Variants in GABRG1 observed in about 807,000 individuals in gnomAD.
GABRG1 encodes the protein gamma-aminobutyric acid receptor subunit gamma-1.
In GABRG1, 49 loss-of-function variants were observed where a neutral mutation model predicts 49.8. That is an observed-to-expected ratio of 0.98 (90% CI 0.78 to 1.25). The LOEUF (loss-of-function observed/expected upper bound fraction) is 1.25. Among genes scored for constraint, GABRG1 ranks in the 50% most tolerant of loss-of-function variants. The pLI, the probability that GABRG1 is intolerant of heterozygous loss-of-function variation, is 0.00. For synonymous variants in GABRG1, 232 were observed against 185.1 expected (o/e 1.25, Z -2.06); for missense variants, 552 against 552.3 (o/e 1.00, Z 0.01).
chr4:46,074,006 T>A (rs1173696829), intron 3 of GABRG1, among the ~76,000 whole-genome samples: 1 of 152,130 alleles, frequency 6.6e-6, no homozygotes, highest in Non-Finnish European at 1.5e-5. Context: ...CCATTACAGT[T>A]TATTACCAAT....
In GABRG1 at chr4:46,053,162, A is replaced by G. The variant is rs182393106; in HGVS notation, c.917-1524T>C. 1.9e-3 allele frequency among the ~76,000 whole-genome samples: 294 copies of G among 151,920 alleles called. 3 individuals are homozygous for G. The highest frequency in any genetic ancestry group is 3.6e-3 in the Non-Finnish European group (241 of 67,854). On this transcript the variant is annotated intron_variant, in intron 7 of 8. Transcript: ENST00000295452. Reference sequence around the variant, plus strand: ...GTCTTTTTTTTAAATTTCCAAATATACAAGGCCATTGTCAGTTATATTATT... The same window carrying G: ...GTCTTTTTTTTAAATTTCCAAATATGCAAGGCCATTGTCAGTTATATTATT...
At chr4:46,097,539 G>A (rs1429290759) in intron 1 of GABRG1, among the ~76,000 whole-genome samples, 190 bp from the exon 2 acceptor site, 1 of 151,364 alleles carries the variant, frequency 6.6e-6, no homozygotes, top group Non-Finnish European at 1.5e-5. Flanking sequence ...CTCAAAAAAT[G>A]AGAATTCTGT....
intron 5 of GABRG1, among the ~76,000 whole-genome samples, chr4:46,059,968 T>C (rs1718610474): frequency 6.6e-6 from 1 of 152,164 alleles, no homozygotes; most frequent in Non-Finnish European, 1.5e-5. Flanking sequence ...TCTCTTTTTA[T>C]ATTAATGTTT....
chr4:46,110,976 G>A (rs746417112), intron 1 of GABRG1, among the ~76,000 whole-genome samples: 30 of 150,834 alleles, frequency 2.0e-4, no homozygotes, highest in Non-Finnish European at 3.3e-4. Context: ...CCTATTCAAC[G>A]TAAGACTAGA....
At chr4:46,097,397 C>G in intron 1 of GABRG1, 48 bp from the exon 2 acceptor site, 1 of 1,545,104 alleles carries the variant, frequency 6.5e-7, no homozygotes, top group Admixed American at 1.9e-5. Context: ...TCAATCAAAT[C>G]ATGTATAAAA....
intron 7 of GABRG1, among the ~76,000 whole-genome samples, chr4:46,056,164 A>AAAAAATAAATAAAT (rs1718435008): frequency 3.0e-5 from 1 of 33,380 alleles, no homozygotes; most frequent in African/African-American, 2.9e-4. Context: ...AAAAAAAAAA[A>AAAAAATAAATAAAT]AAAAAAAAAA....
At position 46,039,008 on chromosome 4, in the gene GABRG1, G is replaced by A. The variant is rs529153577; in HGVS notation, c.*1980C>T. 2 of 151,736 alleles carry A rather than the reference G, an allele frequency of 1.3e-5. No homozygotes were observed. The highest frequency in any genetic ancestry group is 4.1e-4 in the South Asian group (2 of 4,824). 9.4% of individuals were successfully genotyped at this position (151,736 alleles called of 1,614,324 possible). ...AATACAGTCATGCTCAGATACACTT[G>A]AAAGAGTCCCAAAATCAAAACTGTC... On this transcript the variant is annotated 3_prime_UTR_variant, in exon 9 of 9. Coordinates refer to ENST00000295452, the MANE Select transcript of GABRG1 (RefSeq NM_173536.4).
intron 5 of GABRG1, 49 bp downstream of exon 5, chr4:46,064,392 G>T (rs374712146): frequency 1.0e-6 from 1 of 971,410 alleles, no homozygotes; most frequent in Non-Finnish European, 1.5e-6. Context: ...TAAATAAACA[G>T]CTTCTAAGGT....
At chr4:46,090,814 C>T (rs1049351631) in intron 2 of GABRG1, among the ~76,000 whole-genome samples, 3 of 151,896 alleles carry the variant, frequency 2.0e-5, no homozygotes, top group Non-Finnish European at 2.9e-5. Context: ...TGCTGTTTGA[C>T]AGCACAGCAA....
At chr4:46,110,026 T>C (rs547094000) in intron 1 of GABRG1, among the ~76,000 whole-genome samples, 56 of 151,174 alleles carry the variant, frequency 3.7e-4, no homozygotes, top group Non-Finnish European at 5.9e-4. Context: ...TATCTGCTAG[T>C]TCCAATTGGT....
chr4:46,117,083 T>C (rs563281130), intron 1 of GABRG1, among the ~76,000 whole-genome samples: 168 of 150,718 alleles, frequency 1.1e-3, no homozygotes, highest in Middle Eastern at 3.4e-3. Flanking sequence ...ATTAACCTAG[T>C]GGCTAGAACC....
At chr4:46,107,679 C>A (rs1236094064) in intron 1 of GABRG1, among the ~76,000 whole-genome samples, 2 of 150,876 alleles carry the variant, frequency 1.3e-5, no homozygotes, top group Non-Finnish European at 3.0e-5. Context: ...TTGGAGATAT[C>A]AAAAATCCTA....
At chr4:46,120,556 C>T (rs1234015942) in intron 1 of GABRG1, among the ~76,000 whole-genome samples, 1 of 151,664 alleles carries the variant, frequency 6.6e-6, no homozygotes, top group East Asian at 1.9e-4. Flanking sequence ...ATTTAACTAT[C>T]ATGGAATATC....
Position 46,037,112 on chromosome 4 carries a change from T to A in GABRG1, c.*3876A>T, listed in dbSNP as rs1009993124. ...CAAAGTTATCCTCCCTTCCTTAAATTGTATAACTAATCCTCTCATCTTTCT... is the reference window on the plus strand; with the variant it reads ...CAAAGTTATCCTCCCTTCCTTAAATAGTATAACTAATCCTCTCATCTTTCT... On this transcript the variant is annotated 3_prime_UTR_variant, in exon 9 of 9. Transcript: ENST00000295452. The A allele has an allele frequency of 6.6e-6, 1 of 151,902 alleles. No homozygotes were observed. The highest frequency in any genetic ancestry group is 2.4e-5 in the African/African-American group (1 of 41,426). 9.4% of individuals were successfully genotyped at this position (151,902 alleles called of 1,614,324 possible).
chr4:46,073,154 AG>A (rs2109414970), intron 3 of GABRG1, among the ~76,000 whole-genome samples: 1 of 152,166 alleles, frequency 6.6e-6, no homozygotes, highest in Admixed American at 6.6e-5. Flanking sequence ...TATATTTGAT[AG>A]CCTTTCATTT....
chr4:46,122,882 CTT>C (rs950609929), intron 1 of GABRG1, among the ~76,000 whole-genome samples: 1 of 151,852 alleles, frequency 6.6e-6, no homozygotes, highest in Non-Finnish European at 1.5e-5. Flanking sequence ...TGTCCCAGAC[CTT>C]TATAAGTGTC....
chr4:46,063,646 A>G (rs901962386), intron 5 of GABRG1, among the ~76,000 whole-genome samples: 68 of 152,176 alleles, frequency 4.5e-4, no homozygotes, highest in Non-Finnish European at 8.1e-4. Flanking sequence ...TAAAACACCA[A>G]AAGCAATGGC....
chr4:46,111,099 C>G (rs919649028), intron 1 of GABRG1, among the ~76,000 whole-genome samples: 5 of 150,944 alleles, frequency 3.3e-5, no homozygotes, highest in Non-Finnish European at 7.4e-5. Context: ...CAGGAAAATC[C>G]CAAAGAACTC....
intron 8 of GABRG1, among the ~76,000 whole-genome samples, chr4:46,047,349 T>C (rs184920635): frequency 6.6e-6 from 1 of 152,244 alleles, no homozygotes; most frequent in Admixed American, 6.6e-5. Context: ...TCTTGAAAAC[T>C]GCAACTTTTT....
Sources: allele counts gnomAD v4.1 joint callset (sites outside exome capture counted in the v4.1 genomes callset), GRCh38; gene constraint gnomAD v4.1.1; transcripts MANE v1.5; gene names NCBI Gene and HGNC (gene_info 2026-07-23, HGNC 2026-07-21).